Variants in MCC observed in about 807,000 individuals in gnomAD.
MCC encodes the protein colorectal mutant cancer protein.
In MCC, 90 loss-of-function variants were observed where a neutral mutation model predicts 116.2. The ratio of observed to expected loss-of-function variants is 0.77; its 90% CI spans 0.65 to 0.92. MCC has a LOEUF of 0.92. Among genes scored for constraint, MCC ranks in the 40% least tolerant of loss-of-function variants. The pLI, the probability that MCC is intolerant of heterozygous loss-of-function variation, is 0.00. For missense variants in MCC, 1,516 were observed against 1,312.2 expected, an observed-to-expected ratio of 1.16 and a Z score of -2.40; for synonymous variants, 578 against 510.5, an observed-to-expected ratio of 1.13 and a Z score of -1.78.
intron 11 of MCC, among the ~76,000 whole-genome samples, chr5:113,072,866 C>A (rs10078431): frequency 0.45 from 68,918 of 151,902 alleles, 17,145 homozygotes; most frequent in African/African-American, 0.68. Context: ...CTGACATTTC[C>A]TTTTGCTGTC....
At chr5:113,189,217 G>T (rs1361225312) in intron 3 of MCC, among the ~76,000 whole-genome samples, 2 of 152,188 alleles carry the variant, frequency 1.3e-5, no homozygotes, top group Admixed American at 6.5e-5. Flanking sequence ...CTTTGGAAGA[G>T]CTGGCATCTT....
chr5:113,463,219 C>A (rs1227878050), intron 1 of MCC, among the ~76,000 whole-genome samples: 1 of 152,008 alleles, frequency 6.6e-6, no homozygotes, highest in Non-Finnish European at 1.5e-5. Flanking sequence ...GGAGAGGAAG[C>A]CTTTTTGGCC....
At chr5:113,308,336 C>G (rs974511469) in intron 3 of MCC, among the ~76,000 whole-genome samples, 20 of 152,106 alleles carry the variant, frequency 1.3e-4, no homozygotes, top group African/African-American at 4.6e-4. Context: ...CTGTATGATG[C>G]TCAGTTCAAT....
chr5:113,265,836 G>A lies in MCC; in HGVS notation c.627+74683C>T, dbSNP rs117248639. On this transcript the variant is annotated intron_variant, in intron 3 of 18. Transcript: ENST00000408903. Reference sequence around the variant, plus strand: ...AATCATACCCCGTTTCCAAATGCCCGGGAGACAGGTCAAATTCACACGTCT... The same window carrying A: ...AATCATACCCCGTTTCCAAATGCCCAGGAGACAGGTCAAATTCACACGTCT... Among the ~76,000 whole-genome samples the A allele has an allele frequency of 2.6e-5, 4 of 152,166 alleles. No individual in the cohort carries two copies. The East Asian group carries it at 5.8e-4, about 22-fold the overall frequency.
intron 3 of MCC, among the ~76,000 whole-genome samples, chr5:113,285,533 TG>T (rs1415859228): frequency 4.6e-5 from 7 of 152,082 alleles, no homozygotes; most frequent in Non-Finnish European, 1.0e-4. Flanking sequence ...TCCCAGTCAT[TG>T]CTGCCTTGCC....
At chr5:113,488,105 C>T (rs1437282285) in intron 1 of MCC, 140 bp downstream of exon 1, 2 of 852,866 alleles carry the variant, frequency 2.3e-6, no homozygotes, top group African/African-American at 3.6e-5. Flanking sequence ...CGGCTACGCG[C>T]TCTCGGAGTC....
intron 1 of MCC, chr5:113,433,643 G>A: frequency 7.0e-7 from 1 of 1,426,186 alleles, no homozygotes; most frequent in Non-Finnish European, 9.4e-7. Flanking sequence ...GGCTCATCTG[G>A]GACTGCCTTC....
intron 8 of MCC, among the ~76,000 whole-genome samples, chr5:113,087,691 C>T (rs1447077122): frequency 2.6e-5 from 4 of 152,002 alleles, no homozygotes; most frequent in Non-Finnish European, 5.9e-5. Context: ...GTTAACACCA[C>T]TCCAAAACCT....
chr5:113,131,771 C>A (rs1758443467), intron 5 of MCC, among the ~76,000 whole-genome samples: 1 of 152,122 alleles, frequency 6.6e-6, no homozygotes, highest in South Asian at 2.1e-4. Flanking sequence ...ATTTCATCGG[C>A]AGAGTTAAAA....
intron 1 of MCC, among the ~76,000 whole-genome samples, chr5:113,474,762 A>G (rs1399660643): frequency 1.3e-5 from 2 of 152,222 alleles, no homozygotes; most frequent in Non-Finnish European, 2.9e-5. Context: ...CACTGATTTC[A>G]TCCTTTGCCT....
intron 3 of MCC, among the ~76,000 whole-genome samples, chr5:113,305,102 A>G (rs1253045698): frequency 6.6e-6 from 1 of 152,104 alleles, no homozygotes; most frequent in Non-Finnish European, 1.5e-5. Flanking sequence ...GGGTGAAGGA[A>G]GGTCTGAGGC....
intron 1 of MCC, among the ~76,000 whole-genome samples, chr5:113,456,114 C>T (rs914449345): frequency 1.3e-5 from 2 of 152,164 alleles, no homozygotes; most frequent in Non-Finnish European, 2.9e-5. Context: ...TACCTGCCAC[C>T]TTACTTAGAG....
chr5:113,274,839 T>C (rs1475367758), intron 3 of MCC, among the ~76,000 whole-genome samples: 1 of 152,224 alleles, frequency 6.6e-6, no homozygotes, highest in African/African-American at 2.4e-5. Context: ...CAACTCTTTC[T>C]ATTTTCATAA....
intron 1 of MCC, among the ~76,000 whole-genome samples, chr5:113,469,753 C>T (rs543912424): frequency 2.0e-5 from 3 of 152,104 alleles, no homozygotes; most frequent in African/African-American, 7.2e-5. Context: ...CTTTCTGTCT[C>T]GTTGATCTGT....
chr5:113,393,243 G>C (rs1769445043), intron 1 of MCC, among the ~76,000 whole-genome samples: 1 of 151,828 alleles, frequency 6.6e-6, no homozygotes, highest in African/African-American at 2.4e-5. Context: ...CTGCAATCTG[G>C]GTATGGTACA....
At chr5:113,082,165 T>C (rs1754907166) in intron 11 of MCC, among the ~76,000 whole-genome samples, 1 of 152,248 alleles carries the variant, frequency 6.6e-6, no homozygotes, top group Non-Finnish European at 1.5e-5. Context: ...AAGGGCAAAC[T>C]GAAACTACCT....
chr5:113,155,494 T>G (rs1417355230), intron 3 of MCC, among the ~76,000 whole-genome samples: 2 of 152,216 alleles, frequency 1.3e-5, no homozygotes, highest in Non-Finnish European at 2.9e-5. Context: ...TAATTTACAT[T>G]CCCACCAACA....
At chr5:113,272,617 G>A (rs1765657441) in intron 3 of MCC, among the ~76,000 whole-genome samples, 1 of 152,132 alleles carries the variant, frequency 6.6e-6, no homozygotes, top group South Asian at 2.1e-4. Flanking sequence ...GTTAGGATAT[G>A]TTTCCGCTTC....
Position 113,025,634 on chromosome 5 carries a change from A to G in MCC, c.*1668T>C, listed in dbSNP as rs6869100. 0.45 allele frequency: 68,462 copies of G among 150,572 alleles called. 16,644 individuals carry two copies. The highest frequency in any genetic ancestry group is 0.63 in the East Asian group (3,176 of 5,080). The allele number at this position is 150,572 out of a possible 1,614,324, so 9.3% of individuals were successfully genotyped here. On this transcript the variant is annotated 3_prime_UTR_variant, in exon 19 of 19. Coordinates refer to ENST00000408903, the MANE Select transcript of MCC (RefSeq NM_001085377.2). ...AATCACAGGAACTAACTTTGACCAAATGATTGACAGAAACCAGTGAACATT... is the reference window on the plus strand; with the variant it reads ...AATCACAGGAACTAACTTTGACCAAGTGATTGACAGAAACCAGTGAACATT...
Sources: allele counts gnomAD v4.1 joint callset (sites outside exome capture counted in the v4.1 genomes callset), GRCh38; gene constraint gnomAD v4.1.1; transcripts MANE v1.5; gene names NCBI Gene and HGNC (gene_info 2026-07-23, HGNC 2026-07-21).